Variants in CNTN5 observed in about 807,000 individuals in gnomAD.
CNTN5 encodes the protein contactin 5.
CNTN5 carries 77 observed loss-of-function variants against 129.1 expected under a neutral mutation model. The ratio of observed to expected loss-of-function variants is 0.60; its 90% CI spans 0.50 to 0.72. CNTN5 has a LOEUF of 0.72. CNTN5 is among the 30% of genes least tolerant of loss of function. The pLI, the probability that CNTN5 is intolerant of heterozygous loss-of-function variation, is 0.00. For synonymous variants in CNTN5, 509 were observed against 465.6 expected (o/e 1.09, Z -1.20); for missense variants, 1,478 against 1,328.8 (o/e 1.11, Z -1.75).
chr11:99,507,238 ATGG>A (rs1240588182), intron 2 of CNTN5, among the ~76,000 whole-genome samples: 1 of 151,872 alleles, frequency 6.6e-6, no homozygotes, highest in Non-Finnish European at 1.5e-5. Context: ...TTAGCTAGGC[ATGG>A]TGGTGCGCAC....
At chr11:99,974,484 G>A (rs11602773) in intron 8 of CNTN5, among the ~76,000 whole-genome samples, 4,798 of 152,284 alleles carry the variant, frequency 0.032, 117 homozygotes, top group Middle Eastern at 0.11. Flanking sequence ...TTTAAAGGGT[G>A]TGGTTAGAGA....
chr11:99,881,654 AG>A (rs551563016), intron 6 of CNTN5, among the ~76,000 whole-genome samples: 1 of 152,284 alleles, frequency 6.6e-6, no homozygotes, highest in Non-Finnish European at 1.5e-5. Context: ...AATAAAATAA[AG>A]GGGGGGAGCT....
At chr11:99,485,972 A>T (rs1231235384) in intron 2 of CNTN5, among the ~76,000 whole-genome samples, 1 of 152,044 alleles carries the variant, frequency 6.6e-6, no homozygotes, top group Non-Finnish European at 1.5e-5. Context: ...GTTTCTATAC[A>T]ATACGCTTAC....
chr11:99,202,172 TA>T (rs1169136564), intron 1 of CNTN5, among the ~76,000 whole-genome samples: 1 of 152,196 alleles, frequency 6.6e-6, no homozygotes, highest in African/African-American at 2.4e-5. Context: ...TTTGGGGCTT[TA>T]AAAAGTTGCT....
At chr11:99,997,337 CA>C in intron 8 of CNTN5, among the ~76,000 whole-genome samples, 1 of 152,082 alleles carries the variant, frequency 6.6e-6, no homozygotes, top group East Asian at 1.9e-4. Context: ...GTTAGGGTGT[CA>C]ATTTTGGATC....
rs372343347 is a variant in CNTN5, at chr11:100,179,661, C to A, written c.1581-11465C>A. ...TAGTGTCTGATAATAATGAAACCTG[C>A]ATTTACCTGATTATACCTGAGAGGT... On this transcript the variant is annotated intron_variant, in intron 13 of 24. Transcript: ENST00000524871. 5.9e-5 allele frequency among the ~76,000 whole-genome samples: 9 copies of A among 152,094 alleles called. No individual in the cohort carries two copies. In the East Asian group the frequency reaches 1.6e-3, roughly 26 times the overall value.
intron 1 of CNTN5, among the ~76,000 whole-genome samples, chr11:99,285,616 A>G (rs1374070103): frequency 6.6e-6 from 1 of 151,792 alleles, no homozygotes; most frequent in Admixed American, 6.6e-5. Context: ...AGAAATGAAG[A>G]TTCCTTTGTA....
intron 18 of CNTN5, among the ~76,000 whole-genome samples, chr11:100,296,586 C>A (rs1043653625): frequency 6.6e-6 from 1 of 151,502 alleles, no homozygotes; most frequent in Admixed American, 6.6e-5. Flanking sequence ...GATACTGAAA[C>A]GTAGACCCTG....
At chr11:100,129,441 A>C (rs1440958334) in intron 13 of CNTN5, among the ~76,000 whole-genome samples, 1 of 152,136 alleles carries the variant, frequency 6.6e-6, no homozygotes, top group Non-Finnish European at 1.5e-5. Context: ...ACTTATACAC[A>C]GACACTCATC....
At chr11:99,309,997 T>C (rs1357472275) in intron 1 of CNTN5, among the ~76,000 whole-genome samples, 2 of 152,104 alleles carry the variant, frequency 1.3e-5, no homozygotes, top group Non-Finnish European at 2.9e-5. Flanking sequence ...TGACTTTATA[T>C]GGTGATAACT....
At chr11:99,283,621 G>C (rs1863799034) in intron 1 of CNTN5, among the ~76,000 whole-genome samples, 1 of 152,124 alleles carries the variant, frequency 6.6e-6, no homozygotes, top group Admixed American at 6.6e-5. Flanking sequence ...GCATAGCATT[G>C]TATTACAAAG....
chr11:99,215,153 T>A (rs1053965895), intron 1 of CNTN5, among the ~76,000 whole-genome samples: 10 of 152,164 alleles, frequency 6.6e-5, no homozygotes, highest in Admixed American at 5.2e-4. Context: ...AAACTATACT[T>A]CCAATTTTAG....
At chr11:99,380,685 T>C (rs1437575540) in intron 2 of CNTN5, among the ~76,000 whole-genome samples, 2 of 146,810 alleles carry the variant, frequency 1.4e-5, no homozygotes, top group Non-Finnish European at 3.0e-5. Flanking sequence ...GGAGAATCAC[T>C]TGAACCCGGG....
At chr11:99,448,827 G>A (rs1477214784) in intron 2 of CNTN5, among the ~76,000 whole-genome samples, 2 of 149,470 alleles carry the variant, frequency 1.3e-5, no homozygotes, top group East Asian at 2.0e-4. Flanking sequence ...GCCCAGGCTG[G>A]AGAGTGGTGG....
rs1266355983 is a variant in CNTN5 at position 99,766,019 on chromosome 11, C to T, written c.56-53525C>T. Among the ~76,000 whole-genome samples the T allele has an allele frequency of 2.0e-5, 3 of 151,938 alleles. No individual in the cohort carries two copies. In the East Asian group the frequency reaches 5.8e-4, roughly 29 times the overall value. ...ATTTTACTAGCATCTTGAATATCAT[C>T]TGTGATTAGAGAACATGAATATTTT... On this transcript the variant is annotated intron_variant, in intron 3 of 24. Transcript: ENST00000524871.
chr11:99,782,110 A>T (rs1374837472), intron 3 of CNTN5, among the ~76,000 whole-genome samples: 1 of 151,472 alleles, frequency 6.6e-6, no homozygotes, highest in Non-Finnish European at 1.5e-5. Context: ...CCTTAAGCTG[A>T]TAAGCAACTT....
intron 8 of CNTN5, among the ~76,000 whole-genome samples, chr11:99,979,915 T>C (rs573443952): frequency 4.6e-5 from 7 of 152,322 alleles, no homozygotes; most frequent in African/African-American, 1.7e-4. Flanking sequence ...CATGTGACTT[T>C]AGGTAACTTT....
At chr11:99,345,488 T>G (rs1176290941) in intron 2 of CNTN5, among the ~76,000 whole-genome samples, 1 of 152,162 alleles carries the variant, frequency 6.6e-6, no homozygotes, top group Non-Finnish European at 1.5e-5. Context: ...ATTGAAACAT[T>G]TTTCTCAATT....
intron 3 of CNTN5, among the ~76,000 whole-genome samples, chr11:99,601,579 T>A (rs1230677085): frequency 6.6e-6 from 1 of 152,242 alleles, no homozygotes; most frequent in African/African-American, 2.4e-5. Flanking sequence ...CCTCCTCAAA[T>A]TCATTATACA....
Sources: gnomAD v4.1 joint callset for allele counts (sites outside exome capture counted in the v4.1 genomes callset) on GRCh38, gnomAD v4.1.1 for gene constraint, MANE v1.5 for transcripts, NCBI Gene and HGNC (gene_info 2026-07-23, HGNC 2026-07-21) for gene names.